Variants in OR4K17 observed in about 807,000 individuals in gnomAD.
OR4K17 encodes olfactory receptor 4K17.
For missense variants in OR4K17, 480 were observed against 366.3 expected (o/e 1.31, Z -2.53); for synonymous variants, 157 against 132.8 (o/e 1.18, Z -1.25).
At position 20,118,432 on chromosome 14, in the gene OR4K17, T is replaced by A. The variant is rs1157018903; in HGVS notation, c.933T>A (p.Asp311Glu). Reference sequence around the variant, plus strand: ...GAGCTTTTGTGAATTCTAGAGAAGATACTTAGATTAAAAATATAATGGTAG... The same window carrying A: ...GAGCTTTTGTGAATTCTAGAGAAGAAACTTAGATTAAAAATATAATGGTAG... ...LWRAFVNSRE[D>E]T The change falls in exon 2 of 2, where the codon GAT becomes GAA. Residue 311 changes from aspartate (D) to glutamate (E), a missense_variant. Transcript: ENST00000641386. 1 of 1,573,992 alleles carries A rather than the reference T, an allele frequency of 6.4e-7. No homozygotes were observed. The highest frequency in any genetic ancestry group is 1.8e-5 in the Admixed American group (1 of 56,394).
chr14:20,116,661 C>T (rs763093533), intron 1 of OR4K17, among the ~76,000 whole-genome samples: 3 of 152,232 alleles, frequency 2.0e-5, no homozygotes, highest in Non-Finnish European at 4.4e-5. Context: ...CTTTTGTTCA[C>T]GGTGTCTTTC....
chr14:20,111,849 C>T (rs1408477087), intron 1 of OR4K17: 1 of 152,076 alleles, frequency 6.6e-6, no homozygotes, highest in Non-Finnish European at 1.5e-5. Flanking sequence ...TCCAATGACC[C>T]ATCCATAATC....
rs887901544 is a variant in OR4K17 at position 20,118,957 on chromosome 14, G to A, written c.*519G>A. The A allele has an allele frequency of 2.6e-5, 4 of 154,758 alleles. No homozygotes were observed. Among genetic ancestry groups the A allele is most frequent in the African/African-American group, 9.7e-5 (4 of 41,434 alleles). 9.6% of individuals were successfully genotyped at this position (154,758 alleles called of 1,614,324 possible). On this transcript the variant is annotated 3_prime_UTR_variant, in exon 2 of 2. Coordinates refer to ENST00000641386, the MANE Select transcript of OR4K17 (RefSeq NM_001004715.5). ...GGCAGGAATTTCCTCACCCTAATAGGCCTGGGGACACTACAGGAGACTGGG... is the reference window on the plus strand; with the variant it reads ...GGCAGGAATTTCCTCACCCTAATAGACCTGGGGACACTACAGGAGACTGGG...
chr14:20,115,955 A>G (rs17277095), intron 1 of OR4K17, among the ~76,000 whole-genome samples: 37,758 of 152,108 alleles, frequency 0.25, 5,532 homozygotes, highest in Middle Eastern at 0.37. Context: ...GTTAAAATCA[A>G]ATTAGCTAAC....
chr14:20,112,130 G>C (rs1050234535), intron 1 of OR4K17: 7 of 152,038 alleles, frequency 4.6e-5, no homozygotes, highest in Non-Finnish European at 1.0e-4. Context: ...TTTTGTTGGG[G>C]AGATGAGAGG....
In OR4K17 at chr14:20,117,752, T is replaced by A. The variant is rs1449719535; in HGVS notation, c.253T>A (p.Leu85Met). 1.2e-6 allele frequency: 2 copies of A among 1,614,144 alleles called. No homozygotes were observed. Among genetic ancestry groups the A allele is most frequent in the Admixed American group, 1.7e-5 (1 of 60,016 alleles). Residue 85 changes from leucine to methionine, a missense_variant, in exon 2 of 2, where the codon TTG becomes ATG. Physicochemically the swap from Leu to Met is conservative, Grantham distance 15. Transcript: ENST00000641386. ...SFATPKVILN[L>M]LKKQKVISFA... is the part of the protein sequence containing the mutation. ...TGCCACCCCTAAGGTGATTCTGAAC[T>A]TGTTAAAAAAGCAGAAGGTAATTTC... is the stretch of plus-strand genomic sequence containing the variant.
At chr14:20,117,338 A>G in intron 1 of OR4K17, 130 bp from the exon 2 acceptor site, 1 of 1,064,032 alleles carries the variant, frequency 9.4e-7, no homozygotes, top group South Asian at 1.6e-5. Context: ...GACTTAATAG[A>G]TACTGACACT....
Position 20,118,954 on chromosome 14 carries a change from T to C in OR4K17, c.*516T>C. 1 of 155,614 alleles carries C rather than the reference T, an allele frequency of 6.4e-6. No homozygotes were observed. The highest frequency in any genetic ancestry group is 1.4e-5 in the Non-Finnish European group (1 of 70,490). The allele number at this position is 155,614 out of a possible 1,614,324, so 9.6% of individuals were successfully genotyped here. A position where few individuals can be genotyped will look rare whatever the true frequency, so the allele number is the denominator to read the frequency against. On this transcript the variant is annotated 3_prime_UTR_variant, in exon 2 of 2. Transcript: ENST00000641386. ...CTAGGCAGGAATTTCCTCACCCTAA[T>C]AGGCCTGGGGACACTACAGGAGACT...
At position 20,121,951 on chromosome 14, in the gene OR4K17, T is replaced by C. The variant is rs538506514; in HGVS notation, c.*3513T>C. On this transcript the variant is annotated 3_prime_UTR_variant, in exon 2 of 2. Transcript: ENST00000641386. ...ACATTTTATTTGATATTATAAGTTA[T>C]CTAGAGTTGGTATAAATCATACAAC... 16 of 152,244 alleles carry C rather than the reference T, an allele frequency of 1.1e-4. No homozygotes were observed. In the South Asian group the frequency reaches 1.9e-3, roughly 18 times the overall value. 9.4% of individuals were successfully genotyped at this position (152,244 alleles called of 1,614,324 possible).
At position 20,122,004 on chromosome 14, in the gene OR4K17, C is replaced by T. The variant is rs538927873; in HGVS notation, c.*3566C>T. On this transcript the variant is annotated 3_prime_UTR_variant, in exon 2 of 2. Coordinates refer to ENST00000641386, the MANE Select transcript of OR4K17 (RefSeq NM_001004715.5). ...AATGCATGTAAGTTTTATGCAAATA[C>T]TGTGACATTTTGTATAAGGGACTTA... is the stretch of plus-strand genomic sequence containing the variant. 1 of 152,022 alleles carries T rather than the reference C, an allele frequency of 6.6e-6. No individual in the cohort carries two copies. Among genetic ancestry groups the T allele is most frequent in the Non-Finnish European group, 1.5e-5 (1 of 67,958 alleles). The allele number at this position is 152,022 out of a possible 1,614,324, so 9.4% of individuals were successfully genotyped here. A position where few individuals can be genotyped will look rare whatever the true frequency, so the allele number is the denominator to read the frequency against.
chr14:20,117,814 C>A lies in OR4K17; in HGVS notation c.315C>A (p.His105Gln), dbSNP rs1440393478. Reference protein sequence around the residue: ...AGCFTQIFLLHLLGGVEMVLL... With the variant: ...AGCFTQIFLLQLLGGVEMVLL... ...GCTTCACTCAGATATTTCTCCTTCA[C>A]TTACTGGGTGGGGTTGAAATGGTAC... The change falls in exon 2 of 2, where the codon CAC becomes CAA. Residue 105 changes from histidine to glutamine, a missense_variant. By Grantham distance (24) the His-to-Gln change is conservative. Coordinates refer to ENST00000641386, the MANE Select transcript of OR4K17 (RefSeq NM_001004715.5). 3.1e-6 allele frequency: 5 copies of A among 1,614,098 alleles called. No individual in the cohort carries two copies. The highest frequency in any genetic ancestry group is 4.2e-6 in the Non-Finnish European group (5 of 1,180,016).
intron 1 of OR4K17, among the ~76,000 whole-genome samples, chr14:20,114,366 A>G (rs1338028249): frequency 1.3e-5 from 2 of 151,902 alleles, no homozygotes; most frequent in African/African-American, 4.8e-5. Context: ...TACATATTGC[A>G]TTTAGGTTTA....
intron 1 of OR4K17, among the ~76,000 whole-genome samples, chr14:20,113,225 T>A (rs2139053083): frequency 6.6e-6 from 1 of 152,166 alleles, no homozygotes; most frequent in Middle Eastern, 3.4e-3. Context: ...GAAAAATAAA[T>A]CAATGTCTAA....
rs1011123658 is a variant in OR4K17 at position 20,118,993 on chromosome 14, T to C, written c.*555T>C. On this transcript the variant is annotated 3_prime_UTR_variant, in exon 2 of 2. Coordinates refer to ENST00000641386, the MANE Select transcript of OR4K17 (RefSeq NM_001004715.5). The stretch of plus-strand genomic sequence containing the variant: ...CTACAGGAGACTGGGGCTTATTTCA[T>C]CCCTTATCTACAGCCGTGTAAGACA... The C allele has an allele frequency of 6.6e-6, 1 of 152,470 alleles. No homozygotes were observed. Among genetic ancestry groups the C allele is most frequent in the Non-Finnish European group, 1.5e-5 (1 of 68,302 alleles). 9.4% of individuals were successfully genotyped at this position (152,470 alleles called of 1,614,324 possible).
Position 20,120,350 on chromosome 14 carries a change from C to G in OR4K17, c.*1912C>G, listed in dbSNP as rs754587842. On this transcript the variant is annotated 3_prime_UTR_variant, in exon 2 of 2. Transcript: ENST00000641386. Reference sequence around the variant, plus strand: ...TCCAAAATAAGAATTCATGAAGATACCTTTATGGTTGTTAATATTATAAAA... The same window carrying G: ...TCCAAAATAAGAATTCATGAAGATAGCTTTATGGTTGTTAATATTATAAAA... 2 of 152,114 alleles carry G rather than the reference C, an allele frequency of 1.3e-5. No individual in the cohort carries two copies. The highest frequency in any genetic ancestry group is 4.8e-5 in the African/African-American group (2 of 41,398). 9.4% of individuals were successfully genotyped at this position (152,114 alleles called of 1,614,324 possible). A position where few individuals can be genotyped will look rare whatever the true frequency, so the allele number is the denominator to read the frequency against.
rs1462672040 is a variant in OR4K17 at position 20,121,444 on chromosome 14, C to T, written c.*3006C>T. ...CAGAAATTTGTTTAAAAATAAATAA[C>T]ATAAAAATATGTAAATTGTGACAGT... On this transcript the variant is annotated 3_prime_UTR_variant, in exon 2 of 2. Coordinates refer to ENST00000641386, the MANE Select transcript of OR4K17 (RefSeq NM_001004715.5). 6.6e-6 allele frequency: 1 copy of T among 151,916 alleles called. No individual in the cohort carries two copies. The highest frequency in any genetic ancestry group is 6.6e-5 in the Admixed American group (1 of 15,254). The allele number at this position is 151,916 out of a possible 1,614,324, so 9.4% of individuals were successfully genotyped here.
rs754511451 is a variant in OR4K17, at chr14:20,118,108, T to C, written c.609T>C (p.Ser203=). 9 of 1,614,040 alleles carry C rather than the reference T, an allele frequency of 5.6e-6. No homozygotes were observed. The Admixed American group carries it at 1.2e-4, about 21-fold the overall frequency. ...TACAGGTAGTCATTGTTGCCAACAG[T>C]GGCATAATCTCCCTGAGCTGTTTCA... ...YFVQVVIVAN[S]GIISLSCFII... Residue 203 remains serine, a synonymous_variant, in exon 2 of 2, where the codon AGT becomes AGC. Coordinates refer to ENST00000641386, the MANE Select transcript of OR4K17 (RefSeq NM_001004715.5).
rs573110766 is a variant in OR4K17 at position 20,120,368 on chromosome 14, T to G, written c.*1930T>G. The G allele has an allele frequency of 2.0e-5, 3 of 152,278 alleles. No individual in the cohort carries two copies. Among genetic ancestry groups the G allele is most frequent in the Non-Finnish European group, 4.4e-5 (3 of 68,014 alleles). 9.4% of individuals were successfully genotyped at this position (152,278 alleles called of 1,614,324 possible). A position where few individuals can be genotyped will look rare whatever the true frequency, so the allele number is the denominator to read the frequency against. On this transcript the variant is annotated 3_prime_UTR_variant, in exon 2 of 2. Transcript: ENST00000641386. ...GAAGATACCTTTATGGTTGTTAATA[T>G]TATAAAATCTCACTTTCACCTCCTT...
Position 20,118,244 on chromosome 14 carries a change from C to T in OR4K17, c.745C>T (p.Leu249Phe). The T allele has an allele frequency of 1.2e-6, 2 of 1,614,030 alleles. No individual in the cohort carries two copies. Among genetic ancestry groups the T allele is most frequent in the Non-Finnish European group, 1.7e-6 (2 of 1,179,898 alleles). The change falls in exon 2 of 2, where the codon CTC becomes TTC. Residue 249 changes from leucine (L) to phenylalanine (F), a missense_variant. Transcript: ENST00000641386. ...GACTGCTCACATCACAGTGGTGATT[C>T]TCTTCTTTGGCCCATGCATCTTTAT... is the stretch of plus-strand genomic sequence containing the variant. ...TLTAHITVVI[L>F]FFGPCIFIYI...
Sources: gnomAD v4.1 joint callset for allele counts (sites outside exome capture counted in the v4.1 genomes callset) on GRCh38, gnomAD v4.1.1 for gene constraint, MANE v1.5 for transcripts, NCBI Gene and HGNC (gene_info 2026-07-23, HGNC 2026-07-21) for gene names.